CUX1: variants seen among roughly 807,000 people sequenced by gnomAD.
CUX1 encodes the protein protein CASP.
A neutral mutation model predicts 158.8 loss-of-function variants in CUX1; 31 were observed. The observed-to-expected ratio is 0.20, with a 90% CI of 0.15 to 0.26. The LOEUF is 0.26. CUX1 is among the 10% of genes least tolerant of loss of function. The probability of loss-of-function intolerance (pLI) is 1.00; values close to 1 mark genes in which losing one functional copy is unlikely to be tolerated. For synonymous variants in CUX1, 879 were observed against 862.1 expected, an observed-to-expected ratio of 1.02 and a Z score of -0.34; for missense variants, 1,589 against 2,014.6, an observed-to-expected ratio of 0.79 and a Z score of 4.04.
chr7:101,895,891 G>GTTTTTT (rs66481506), intron 1 of CUX1, among the ~76,000 whole-genome samples: 1 of 112,716 alleles, frequency 8.9e-6, no homozygotes, highest in African/African-American at 3.7e-5. Flanking sequence ...CACCTGTAAA[G>GTTTTTT]TTTTTTTTTT....
chr7:102,151,493 G>A (rs1470762261), intron 8 of CUX1, among the ~76,000 whole-genome samples: 3 of 152,070 alleles, frequency 2.0e-5, no homozygotes, highest in East Asian at 3.9e-4. Flanking sequence ...GATGGAGGTT[G>A]CAGTGAGCTG....
At chr7:102,273,833 G>T (rs1333109834) in intron 15 of CUX1, among the ~76,000 whole-genome samples, 1 of 152,236 alleles carries the variant, frequency 6.6e-6, no homozygotes, top group Non-Finnish European at 1.5e-5. Context: ...ATCACAGCAG[G>T]CTGGGACATA....
chr7:102,159,955 T>C (rs1585973413), intron 9 of CUX1, among the ~76,000 whole-genome samples: 1 of 145,872 alleles, frequency 6.9e-6, no homozygotes, highest in African/African-American at 2.5e-5. Context: ...CCGAGATGGG[T>C]GGATGACTTG....
chr7:101,957,967 T>A (rs900245873), intron 2 of CUX1, among the ~76,000 whole-genome samples: 2 of 152,228 alleles, frequency 1.3e-5, no homozygotes, highest in African/African-American at 4.8e-5. Flanking sequence ...TTCAGTCATC[T>A]GAGTTTCCTT....
intron 10 of CUX1, 21 bp downstream of exon 10, chr7:102,170,571 G>T (rs1554510143): frequency 1.3e-6 from 2 of 1,538,422 alleles, no homozygotes; most frequent in South Asian, 2.4e-5. Context: ...CCGGCCCCGT[G>T]GGGGACTGTC....
chr7:101,849,368 C>T (rs150034374), intron 1 of CUX1, among the ~76,000 whole-genome samples: 1 of 151,890 alleles, frequency 6.6e-6, no homozygotes, highest in Non-Finnish European at 1.5e-5. Context: ...GTGTTTTTCC[C>T]CCCTCTCTGT....
chr7:101,827,693 A>G (rs1048592179), intron 1 of CUX1, among the ~76,000 whole-genome samples: 1 of 152,220 alleles, frequency 6.6e-6, no homozygotes, highest in Non-Finnish European at 1.5e-5. Flanking sequence ...ACAGTTGCTT[A>G]ACATGTATTT....
At chr7:102,058,425 C>G (rs1466337451) in intron 3 of CUX1, among the ~76,000 whole-genome samples, 1 of 151,808 alleles carries the variant, frequency 6.6e-6, no homozygotes, top group Non-Finnish European at 1.5e-5. Context: ...CAGGCATGTG[C>G]CACTACACCT....
At chr7:102,029,033 C>T (rs1483925780) in intron 3 of CUX1, among the ~76,000 whole-genome samples, 2 of 139,488 alleles carry the variant, frequency 1.4e-5, no homozygotes, top group African/African-American at 2.7e-5. Flanking sequence ...TGCCCTGTCA[C>T]TCAGGCTACA....
chr7:102,222,809 A>ATTTTTTTTT (rs1554527459), intron 20 of CUX1, among the ~76,000 whole-genome samples: 1 of 23,280 alleles, frequency 4.3e-5, no homozygotes, highest in African/African-American at 1.6e-4. Flanking sequence ...GGGGCACCGT[A>ATTTTTTTTT]TCTTTTTTTT....
chr7:102,092,320 G>A (rs142126759), intron 4 of CUX1, among the ~76,000 whole-genome samples: 1 of 152,186 alleles, frequency 6.6e-6, no homozygotes, highest in Non-Finnish European at 1.5e-5. Flanking sequence ...CAGCTACCAC[G>A]GGACCTTTCA....
In CUX1 at chr7:102,248,439, T is replaced by C. The variant is rs1190557728; in HGVS notation, c.3915T>C (p.Ile1305=). 2.5e-6 allele frequency: 4 copies of C among 1,597,836 alleles called. No individual in the cohort carries two copies. In the African/African-American group the frequency reaches 4.1e-5, roughly 16 times the overall value. ...YRSRIRRELF[I]EEIQAGSQGQ... Reference sequence around the variant, plus strand: ...CTCGGATCCGCAGAGAACTGTTCATTGAGGAAATTCAGGCCGGGAGTCAGG... The same window carrying C: ...CTCGGATCCGCAGAGAACTGTTCATCGAGGAAATTCAGGCCGGGAGTCAGG... Residue 1305 remains isoleucine, a synonymous_variant, in exon 24 of 24, where the codon ATT becomes ATC. Coordinates refer to ENST00000292535, the MANE Select transcript of CUX1 (RefSeq NM_181552.4). The surrounding 1 kb of genome is among the most constrained non-coding windows in gnomAD (Gnocchi z 5.8).
chr7:101,893,692 C>G (rs1398009645), intron 1 of CUX1, among the ~76,000 whole-genome samples: 2 of 152,160 alleles, frequency 1.3e-5, no homozygotes, highest in Non-Finnish European at 2.9e-5. Flanking sequence ...GTGCTTCTTC[C>G]CCACATTTAT....
At chr7:102,267,432 G>A (rs2132770082) in intron 14 of CUX1, among the ~76,000 whole-genome samples, 2 of 152,186 alleles carry the variant, frequency 1.3e-5, no homozygotes, top group South Asian at 4.2e-4. Flanking sequence ...TGCTTGAGAG[G>A]CTGAGGCAGG....
intron 8 of CUX1, among the ~76,000 whole-genome samples, chr7:102,146,842 C>T (rs1835075599): frequency 6.6e-6 from 1 of 152,180 alleles, no homozygotes; most frequent in Non-Finnish European, 1.5e-5. Flanking sequence ...AAGTGATCCA[C>T]CCACCTTAGC....
intron 2 of CUX1, among the ~76,000 whole-genome samples, chr7:101,971,342 C>T (rs933175322): frequency 6.6e-6 from 1 of 151,966 alleles, no homozygotes; most frequent in Non-Finnish European, 1.5e-5. Context: ...TGAGTGGGAA[C>T]GAAGAGGAAA....
chr7:102,103,257 A>G (rs1829973841), intron 5 of CUX1, among the ~76,000 whole-genome samples: 1 of 151,888 alleles, frequency 6.6e-6, no homozygotes, highest in African/African-American at 2.4e-5. Context: ...AGTGGTGGGC[A>G]CTCCAGGGTG....
In CUX1 at chr7:102,249,953, T is replaced by C; in HGVS notation, c.*911T>C. 1.0e-6 allele frequency: 1 copy of C among 985,566 alleles called. No homozygotes were observed. Among genetic ancestry groups the C allele is most frequent in the South Asian group, 4.7e-5 (1 of 21,280 alleles). The allele number at this position is 985,566 out of a possible 1,614,324, so 61.1% of individuals were successfully genotyped here. ...CTTGTACGTGAATAGAATCCTGACA[T>C]GTAGTGCACATTGATGTATAGCTTT... On this transcript the variant is annotated 3_prime_UTR_variant, in exon 24 of 24. Transcript: ENST00000292535.
At chr7:101,848,081 GA>G (rs923457695) in intron 1 of CUX1, among the ~76,000 whole-genome samples, 3 of 132,068 alleles carry the variant, frequency 2.3e-5, no homozygotes, top group African/African-American at 8.6e-5. Context: ...AAAAAGAAAA[GA>G]AAAAATAAAC....
Sources: allele counts gnomAD v4.1 joint callset (sites outside exome capture counted in the v4.1 genomes callset), GRCh38; gene constraint gnomAD v4.1.1; non-coding constraint Gnocchi (gnomAD v3.1); transcripts MANE v1.5; gene names NCBI Gene and HGNC (gene_info 2026-07-23, HGNC 2026-07-21).